PIK3CB: variants seen among roughly 807,000 people sequenced by gnomAD.
PIK3CB encodes phosphatidylinositol-4,5-bisphosphate 3-kinase catalytic subunit beta, also known as phosphatidylinositol 4,5-bisphosphate 3-kinase catalytic subunit beta isoform.
PIK3CB carries 39 observed loss-of-function variants against 136.8 expected under a neutral mutation model. That is an observed-to-expected ratio of 0.29 (90% CI 0.22 to 0.37). PIK3CB has a LOEUF of 0.37. Ranked by LOEUF, PIK3CB falls within the 10% of genes least tolerant of loss-of-function variation. PIK3CB has a pLI of 1.00. For synonymous variants in PIK3CB, 428 were observed against 436.6 expected, an observed-to-expected ratio of 0.98 and a Z score of 0.25; for missense variants, 868 against 1,275.4, an observed-to-expected ratio of 0.68 and a Z score of 4.87.
intron 22 of PIK3CB, 98 bp downstream of exon 22, chr3:138,657,592 C>T (rs1393561212): frequency 2.4e-5 from 26 of 1,084,788 alleles, no homozygotes; most frequent in Non-Finnish European, 3.5e-5. Flanking sequence ...CTGAATATCT[C>T]CCAGATCCAA....
chr3:138,799,289 T>G (rs2046144200), intron 1 of PIK3CB, among the ~76,000 whole-genome samples: 1 of 151,230 alleles, frequency 6.6e-6, no homozygotes, highest in Non-Finnish European at 1.5e-5. Flanking sequence ...GCAATTCTCC[T>G]GCCTCAGCCT....
intron 1 of PIK3CB, among the ~76,000 whole-genome samples, chr3:138,815,448 A>G (rs1223686959): frequency 6.6e-6 from 1 of 150,742 alleles, no homozygotes; most frequent in Non-Finnish European, 1.5e-5. Flanking sequence ...AAAAGAAGAA[A>G]GAGAATTAAA....
At chr3:138,693,479 A>T (rs544327064) in intron 14 of PIK3CB, among the ~76,000 whole-genome samples, 88 of 152,166 alleles carry the variant, frequency 5.8e-4, no homozygotes, top group Non-Finnish European at 1.1e-3. Context: ...GCCCACTGCA[A>T]CCTCTGCCTC....
chr3:138,818,056 G>A (rs1206800740), intron 1 of PIK3CB, among the ~76,000 whole-genome samples: 1 of 152,222 alleles, frequency 6.6e-6, no homozygotes, highest in Non-Finnish European at 1.5e-5. Context: ...GGAGGCTGAG[G>A]TGGGAGCTAT....
At chr3:138,727,328 T>C (rs2044860964) in intron 8 of PIK3CB, among the ~76,000 whole-genome samples, 2 of 152,216 alleles carry the variant, frequency 1.3e-5, no homozygotes. Flanking sequence ...GGGCAGAGAA[T>C]CCTCAGTGAG....
rs2043343751 is a variant in PIK3CB at position 138,663,542 on chromosome 3, T to C, written c.2796+364A>G. On this transcript the variant is annotated intron_variant, in intron 21 of 23. Coordinates refer to ENST00000674063, the MANE Select transcript of PIK3CB (RefSeq NM_006219.3). The stretch of plus-strand genomic sequence containing the variant: ...GATTACAGGCGCCTGCCACCATGCC[T>C]GGCTAATTTTTATATTTTTAGTAGA... 1.3e-5 allele frequency among the ~76,000 whole-genome samples: 2 copies of C among 152,004 alleles called. 1 individual carries two copies. The highest frequency in any genetic ancestry group is 4.1e-4 in the South Asian group (2 of 4,824).
intron 19 of PIK3CB, among the ~76,000 whole-genome samples, chr3:138,680,890 G>A (rs2043760102): frequency 6.6e-6 from 1 of 152,064 alleles, no homozygotes; most frequent in East Asian, 1.9e-4. Flanking sequence ...GTTTCACCAT[G>A]TTGGCCAGGC....
At chr3:138,809,148 C>T (rs554938786) in intron 1 of PIK3CB, among the ~76,000 whole-genome samples, 2 of 150,876 alleles carry the variant, frequency 1.3e-5, no homozygotes, top group African/African-American at 4.9e-5. Context: ...CATGGTGGCG[C>T]GCACCTGTAA....
chr3:138,673,506 C>T (rs1166340542), intron 19 of PIK3CB, among the ~76,000 whole-genome samples: 1 of 152,032 alleles, frequency 6.6e-6, no homozygotes, highest in East Asian at 1.9e-4. Context: ...CTCAAGGCTT[C>T]TGAGGAAAGC....
At chr3:138,790,503 T>A (rs2046035711) in intron 2 of PIK3CB, among the ~76,000 whole-genome samples, 1 of 146,726 alleles carries the variant, frequency 6.8e-6, no homozygotes, top group Non-Finnish European at 1.5e-5. Flanking sequence ...ATTTCACCAA[T>A]TTTTTTTTTT....
intron 19 of PIK3CB, among the ~76,000 whole-genome samples, chr3:138,677,476 G>C (rs1402550953): frequency 6.6e-6 from 1 of 152,156 alleles, no homozygotes; most frequent in Non-Finnish European, 1.5e-5. Flanking sequence ...AGAAATTCTA[G>C]TAAAAATTCA....
chr3:138,707,510 A>G (rs1207814827), intron 10 of PIK3CB: 44 of 1,305,580 alleles, frequency 3.4e-5, no homozygotes, highest in Non-Finnish European at 4.1e-5. Flanking sequence ...AAAGTTAACA[A>G]AACTGAATGA....
chr3:138,705,175 AAAAAACAAAAC>A (rs2044344973), intron 11 of PIK3CB, among the ~76,000 whole-genome samples: 1 of 86,010 alleles, frequency 1.2e-5, no homozygotes, highest in East Asian at 5.2e-4. Context: ...AAAAAAAAAC[AAAAAACAAAAC>A]AAACAAAAAA....
chr3:138,677,079 T>A (rs188519772), intron 19 of PIK3CB, among the ~76,000 whole-genome samples: 1 of 143,334 alleles, frequency 7.0e-6, no homozygotes, highest in South Asian at 2.2e-4. Flanking sequence ...TTTTTTGAGA[T>A]GGAGCTTCGC....
chr3:138,779,602 A>G (rs1235249324), intron 2 of PIK3CB, among the ~76,000 whole-genome samples: 2 of 151,722 alleles, frequency 1.3e-5, no homozygotes, highest in Non-Finnish European at 1.5e-5. Context: ...CATGTTGCCC[A>G]GGCTGGTCTC....
At chr3:138,663,839 A>G in intron 21 of PIK3CB, 67 bp downstream of exon 21, 1 of 1,507,974 alleles carries the variant, frequency 6.6e-7, no homozygotes, top group Non-Finnish European at 9.0e-7. Flanking sequence ...GAGTTGCACA[A>G]GAGATTATGC....
At chr3:138,823,850 C>G (rs1195322788) in intron 1 of PIK3CB, among the ~76,000 whole-genome samples, 6 of 152,102 alleles carry the variant, frequency 3.9e-5, no homozygotes, top group Non-Finnish European at 7.4e-5. Context: ...TTCATTTAAG[C>G]AAGTAAAGTA....
intron 1 of PIK3CB, among the ~76,000 whole-genome samples, chr3:138,830,378 T>A (rs1017284550): frequency 6.6e-6 from 1 of 151,896 alleles, no homozygotes; most frequent in African/African-American, 2.4e-5. Flanking sequence ...GGTGAAACCC[T>A]GTCTCTACTA....
chr3:138,738,385 C>A (rs1229260822), intron 5 of PIK3CB, among the ~76,000 whole-genome samples: 1 of 152,082 alleles, frequency 6.6e-6, no homozygotes, highest in South Asian at 2.1e-4. Context: ...GTTGTCCAGG[C>A]TAGTCTCAAA....
Sources: allele counts gnomAD v4.1 joint callset (sites outside exome capture counted in the v4.1 genomes callset), GRCh38; gene constraint gnomAD v4.1.1; transcripts MANE v1.5; gene names NCBI Gene and HGNC (gene_info 2026-07-23, HGNC 2026-07-21).